RBM6: variants seen among roughly 807,000 people sequenced by gnomAD.
RBM6 encodes RNA-binding protein 6.
In RBM6, 23 loss-of-function variants were observed where a neutral mutation model predicts 140.4. The observed-to-expected ratio is 0.16, with a 90% confidence interval of 0.12 to 0.23. RBM6 has a LOEUF of 0.23. RBM6 is among the 10% of genes least tolerant of loss of function. The probability of loss-of-function intolerance (pLI) is 1.00; values close to 1 mark genes in which losing one functional copy is unlikely to be tolerated. For synonymous variants in RBM6, 439 were observed against 475.6 expected, an observed-to-expected ratio of 0.92 and a Z score of 1.00; for missense variants, 1,139 against 1,386.7, an observed-to-expected ratio of 0.82 and a Z score of 2.84.
intron 6 of RBM6, among the ~76,000 whole-genome samples, chr3:50,047,619 ACCG>A (rs2089282861): frequency 1.3e-5 from 2 of 152,100 alleles, no homozygotes; most frequent in African/African-American, 2.4e-5. Context: ...CCAGAGTGAT[ACCG>A]CCGCCGCCGC....
rs368204975 is a variant in RBM6 at position 50,009,746 on chromosome 3, G to C, written c.1557+10233G>C. Among the ~76,000 whole-genome samples, 18 of 151,842 alleles carry C rather than the reference G, an allele frequency of 1.2e-4. No individual in the cohort carries two copies. The East Asian group carries it at 2.3e-3, about 20-fold the overall frequency. On this transcript the variant is annotated intron_variant, in intron 6 of 20. Transcript: ENST00000266022. Reference sequence around the variant, plus strand: ...CTAATTTTGAGGGGGTAGAGGGGAGGTACAGATGAGATCTCACTGTGTTGT... The same window carrying C: ...CTAATTTTGAGGGGGTAGAGGGGAGCTACAGATGAGATCTCACTGTGTTGT...
At chr3:50,006,124 G>A (rs922295363) in intron 6 of RBM6, among the ~76,000 whole-genome samples, 6 of 145,300 alleles carry the variant, frequency 4.1e-5, no homozygotes, top group Admixed American at 2.1e-4. Context: ...GCAGGGGTGC[G>A]ATTTATCCAC....
chr3:50,055,645 T>C (rs2089668283), intron 8 of RBM6, among the ~76,000 whole-genome samples: 3 of 152,232 alleles, frequency 2.0e-5, no homozygotes, highest in Non-Finnish European at 1.5e-5. Flanking sequence ...GTGGCAAACC[T>C]TTCTCCCACT....
At chr3:50,024,342 A>G (rs1008307291) in intron 6 of RBM6, among the ~76,000 whole-genome samples, 4 of 152,178 alleles carry the variant, frequency 2.6e-5, no homozygotes, top group African/African-American at 7.2e-5. Flanking sequence ...CCAAAGTTGG[A>G]TATACCTGGT....
At chr3:50,030,022 T>C (rs2088058000) in intron 6 of RBM6, among the ~76,000 whole-genome samples, 1 of 150,868 alleles carries the variant, frequency 6.6e-6, no homozygotes, top group Non-Finnish European at 1.5e-5. Context: ...GAGTGAGACT[T>C]TGGGAGGCCA....
At chr3:49,975,455 A>G in intron 5 of RBM6, 63 bp downstream of exon 5, 1 of 1,334,726 alleles carries the variant, frequency 7.5e-7, no homozygotes, top group Non-Finnish European at 1.1e-6. Flanking sequence ...TCTCTGCATC[A>G]TGTGCTACTT....
intron 6 of RBM6, among the ~76,000 whole-genome samples, chr3:50,019,012 A>G (rs1370687072): frequency 2.6e-5 from 4 of 151,572 alleles, no homozygotes; most frequent in Non-Finnish European, 5.9e-5. Flanking sequence ...CAGCATTTGG[A>G]TGGTAGCCAT....
At chr3:50,059,586 A>C in intron 10 of RBM6, 63 bp from the exon 11 acceptor site, 1 of 1,361,766 alleles carries the variant, frequency 7.3e-7, no homozygotes, top group Non-Finnish European at 1.0e-6. Flanking sequence ...TCAAAGGAGA[A>C]TTTTTCTGTC....
intron 6 of RBM6, among the ~76,000 whole-genome samples, chr3:50,038,691 G>C (rs2088688882): frequency 1.3e-5 from 2 of 152,166 alleles, no homozygotes; most frequent in South Asian, 4.1e-4. Context: ...AAATCAGCCA[G>C]GTGTGGTGGC....
In RBM6 at chr3:50,057,982, C is replaced by A. The variant is rs765108263; in HGVS notation, c.1948C>A (p.Arg650Ser). 1.9e-6 allele frequency: 3 copies of A among 1,613,688 alleles called. No homozygotes were observed. In the East Asian group the frequency reaches 6.7e-5, roughly 36 times the overall value. The change falls in exon 9 of 21, where the codon CGC becomes AGC. Residue 650 changes from arginine (R) to serine (S), a missense_variant. Transcript: ENST00000266022. ...GAGGGAGTCATGGTCTGGAGAGACA[C>A]GCCAGGATGGAGAGAGCAAAAGTAA... is the stretch of plus-strand genomic sequence containing the variant. ...RERESWSGETRQDGESKTIML... is the reference protein window; with the variant it reads ...RERESWSGETSQDGESKTIML...
At chr3:49,970,024 T>C in intron 3 of RBM6, among the ~76,000 whole-genome samples, 1 of 152,032 alleles carries the variant, frequency 6.6e-6, no homozygotes, top group East Asian at 1.9e-4. Context: ...CACAGCAACC[T>C]CCGCCTCCCG....
At chr3:49,956,898 C>G (rs1382258496) in intron 1 of RBM6, among the ~76,000 whole-genome samples, 3 of 152,098 alleles carry the variant, frequency 2.0e-5, no homozygotes, top group African/African-American at 7.2e-5. Flanking sequence ...CTCCAGACCT[C>G]AGGTGATCCT....
At chr3:50,017,247 C>A (rs932305620) in intron 6 of RBM6, among the ~76,000 whole-genome samples, 1 of 152,050 alleles carries the variant, frequency 6.6e-6, no homozygotes. Context: ...GCCAGGAATG[C>A]ACGTATGTCT....
intron 10 of RBM6, chr3:50,059,372 TTGA>T (rs1321160884): frequency 4.3e-6 from 1 of 232,572 alleles, no homozygotes; most frequent in Non-Finnish European, 8.3e-6. Flanking sequence ...CTGAATCTGA[TTGA>T]TGATAATTGC....
chr3:50,021,131 C>T (rs996752949), intron 6 of RBM6, among the ~76,000 whole-genome samples: 2 of 152,066 alleles, frequency 1.3e-5, no homozygotes, highest in South Asian at 2.1e-4. Flanking sequence ...TAATGTGCTG[C>T]GTGAGCTTGA....
chr3:50,011,836 TTTC>T (rs1161637863), intron 6 of RBM6, among the ~76,000 whole-genome samples: 1 of 143,350 alleles, frequency 7.0e-6, no homozygotes, highest in Non-Finnish European at 1.5e-5. Context: ...TTTTCTTTTC[TTTC>T]TTTTTTTTTT....
At chr3:49,995,663 C>G (rs1446695127) in intron 5 of RBM6, among the ~76,000 whole-genome samples, 3 of 152,116 alleles carry the variant, frequency 2.0e-5, no homozygotes, top group African/African-American at 7.2e-5. Context: ...CAAAGACCCT[C>G]CAGACTTCTT....
chr3:50,025,716 T>C (rs2087775011), intron 6 of RBM6, among the ~76,000 whole-genome samples: 1 of 151,136 alleles, frequency 6.6e-6, no homozygotes, highest in African/African-American at 2.4e-5. Context: ...TGAGCCACTG[T>C]GCCCCACTGT....
intron 5 of RBM6, among the ~76,000 whole-genome samples, chr3:49,983,081 G>A (rs1238463552): frequency 1.3e-5 from 2 of 152,144 alleles, no homozygotes; most frequent in Admixed American, 1.3e-4. Context: ...CAAGGCTCAA[G>A]CAATCCTCCT....
Sources: allele counts gnomAD v4.1 joint callset (sites outside exome capture counted in the v4.1 genomes callset), GRCh38; gene constraint gnomAD v4.1.1; transcripts MANE v1.5; gene names NCBI Gene and HGNC (gene_info 2026-07-23, HGNC 2026-07-21).